The following SPMIP4 variants were observed in gnomAD, a reference collection of about 807,000 sequenced individuals.
SPMIP4 encodes sperm microtubule inner protein 4.
At chr7:25,131,565 G>A in the SPMIP4 span, among the ~76,000 whole-genome samples, 2 of 152,296 alleles carry the variant, frequency 1.3e-5, no homozygotes, top group Non-Finnish European at 1.5e-5. This position sits in a 1 kb window ranked among gnomAD's most constrained non-coding sequence, Gnocchi z 4.2. Flanking sequence ...TTATTGTTAC[G>A]GTGGGGGAGG....
At chr7:25,163,715 G>A in the SPMIP4 span, among the ~76,000 whole-genome samples, 1 of 152,148 alleles carries the variant, frequency 6.6e-6, no homozygotes, top group South Asian at 2.1e-4. The surrounding 1 kb of genome is among the most constrained non-coding windows in gnomAD (Gnocchi z 4.4). Context: ...ATCCCTGGAT[G>A]TACTAGTCAG....
the SPMIP4 span, chr7:25,158,592 C>A: frequency 7.5e-7 from 1 of 1,326,090 alleles, no homozygotes; most frequent in Non-Finnish European, 1.1e-6. Context: ...GTTTATATCC[C>A]TATTAGAAAC....
chr7:25,145,202 G>A, the SPMIP4 span, among the ~76,000 whole-genome samples: 1 of 145,128 alleles, frequency 6.9e-6, no homozygotes, highest in Admixed American at 7.1e-5. Context: ...GACCTCAGGT[G>A]ATTTGCCTGC....
the SPMIP4 span, among the ~76,000 whole-genome samples, chr7:25,152,669 TCCTTCTTTCCTTCCTCCCTC>T: frequency 6.6e-6 from 1 of 151,496 alleles, no homozygotes; most frequent in Non-Finnish European, 1.5e-5. Context: ...CTTCCTTCCT[TCCTTCTTTCCTTCCTCCCTC>T]CCTTCCTCTT....
the SPMIP4 span, among the ~76,000 whole-genome samples, chr7:25,160,260 T>C: frequency 1.3e-5 from 2 of 151,242 alleles, no homozygotes; most frequent in East Asian, 3.9e-4. Context: ...AAAGAAGTGA[T>C]AGTTCCATTA....
chr7:25,152,820 T>C, the SPMIP4 span, among the ~76,000 whole-genome samples: 4,757 of 146,326 alleles, frequency 0.033, 102 homozygotes, highest in East Asian at 0.1. Context: ...CTCAGCTCAC[T>C]GTAACCTCTG....
chr7:25,155,781 G>T, the SPMIP4 span, among the ~76,000 whole-genome samples: 32 of 152,154 alleles, frequency 2.1e-4, no homozygotes, highest in East Asian at 4.6e-3. Context: ...ATGTTAAAGA[G>T]ACCATAGGGA....
chr7:25,163,196 T>A, the SPMIP4 span, among the ~76,000 whole-genome samples: 1 of 152,234 alleles, frequency 6.6e-6, no homozygotes, highest in African/African-American at 2.4e-5. The surrounding 1 kb of genome is among the most constrained non-coding windows in gnomAD (Gnocchi z 4.4). Context: ...GATGCATCCG[T>A]ATTGTAGAAT....
At chr7:25,153,535 G>A in the SPMIP4 span, among the ~76,000 whole-genome samples, 2 of 149,384 alleles carry the variant, frequency 1.3e-5, no homozygotes, top group Non-Finnish European at 3.0e-5. Flanking sequence ...TGCACTCTAG[G>A]CCTGGGCAAC....
chr7:25,169,918 A>C, the SPMIP4 span, among the ~76,000 whole-genome samples: 1 of 152,078 alleles, frequency 6.6e-6, no homozygotes, highest in Non-Finnish European at 1.5e-5. Flanking sequence ...CACTGTATAG[A>C]TATATCACGT....
the SPMIP4 span, among the ~76,000 whole-genome samples, chr7:25,148,104 T>C: frequency 4.6e-5 from 7 of 152,184 alleles, no homozygotes; most frequent in Non-Finnish European, 8.8e-5. Flanking sequence ...GAGAAGACTA[T>C]TATCCCAGAA....
the SPMIP4 span, among the ~76,000 whole-genome samples, chr7:25,171,644 T>C: frequency 2.0e-5 from 3 of 152,178 alleles, no homozygotes; most frequent in African/African-American, 7.2e-5. Flanking sequence ...AAGTGCTACA[T>C]AGAGGGTAAA....
chr7:25,176,501 G>A, the SPMIP4 span, among the ~76,000 whole-genome samples: 1 of 152,134 alleles, frequency 6.6e-6, no homozygotes, highest in East Asian at 1.9e-4. This position sits in a 1 kb window ranked among gnomAD's most constrained non-coding sequence, Gnocchi z 4.4. Context: ...GAGGAGTAGG[G>A]GCAGCAAGGA....
At chr7:25,151,026 A>C in the SPMIP4 span, among the ~76,000 whole-genome samples, 3 of 152,146 alleles carry the variant, frequency 2.0e-5, no homozygotes, top group African/African-American at 4.8e-5. Context: ...AGTTGTAAGA[A>C]TAGGGTTGGA....
chr7:25,128,030 G>C, the SPMIP4 span, among the ~76,000 whole-genome samples: 1 of 152,224 alleles, frequency 6.6e-6, no homozygotes, highest in East Asian at 1.9e-4. The surrounding 1 kb of genome is among the most constrained non-coding windows in gnomAD (Gnocchi z 4.5). Flanking sequence ...CAGAGACTCT[G>C]TTCTCTTATC....
At chr7:25,136,366 T>A in the SPMIP4 span, 1 of 1,613,856 alleles carries the variant, frequency 6.2e-7, no homozygotes, top group Non-Finnish European at 8.5e-7. The surrounding 1 kb of genome is among the most constrained non-coding windows in gnomAD (Gnocchi z 5.7). Flanking sequence ...GTGAATCCAG[T>A]GGTCTGGTTT....
At chr7:25,168,558 A>C in the SPMIP4 span, 3 of 1,028,248 alleles carry the variant, frequency 2.9e-6, no homozygotes, top group South Asian at 5.4e-5. Flanking sequence ...CCACTTCATA[A>C]GTATTTTCAG....
chr7:25,147,314 T>C, the SPMIP4 span, among the ~76,000 whole-genome samples: 1 of 152,020 alleles, frequency 6.6e-6, no homozygotes, highest in Admixed American at 6.6e-5. Context: ...TAAAACCTAT[T>C]TATGTTTGCC....
the SPMIP4 span, among the ~76,000 whole-genome samples, chr7:25,148,420 G>T: frequency 6.6e-6 from 1 of 151,720 alleles, no homozygotes; most frequent in African/African-American, 2.4e-5. Context: ...CTGCACTCCA[G>T]CCTGGTGTTA....
Sources: gnomAD v4.1 joint callset for allele counts (sites outside exome capture counted in the v4.1 genomes callset) on GRCh38, gnomAD v4.1.1 for gene constraint, Gnocchi (gnomAD v3.1) non-coding constraint, MANE v1.5 for transcripts, NCBI Gene and HGNC (gene_info 2026-07-23, HGNC 2026-07-21) for gene names.